CYFIP2: variants seen among roughly 807,000 people sequenced by gnomAD.
CYFIP2 encodes cytoplasmic FMR1-interacting protein 2.
In CYFIP2, 29 loss-of-function variants were observed where a neutral mutation model predicts 158.7. The ratio of observed to expected loss-of-function variants is 0.18; its 90% CI spans 0.14 to 0.25. The LOEUF (loss-of-function observed/expected upper bound fraction) is 0.25, where lower values mean the gene tolerates loss of function less well. Among genes scored for constraint, CYFIP2 ranks in the 10% least tolerant of loss-of-function variants. The pLI, the probability that CYFIP2 is intolerant of heterozygous loss-of-function variation, is 1.00. For synonymous variants in CYFIP2, 585 were observed against 617.6 expected (o/e 0.95, Z 0.78); for missense variants, 852 against 1,639.5 (o/e 0.52, Z 8.29).
chr5:157,315,540 T>G (rs1760072085), intron 13 of CYFIP2, among the ~76,000 whole-genome samples: 1 of 152,232 alleles, frequency 6.6e-6, no homozygotes, highest in Non-Finnish European at 1.5e-5. Flanking sequence ...TAGTGGTCAG[T>G]CTACATTTTG....
intron 26 of CYFIP2, among the ~76,000 whole-genome samples, chr5:157,373,678 A>G (rs572490568): frequency 6.6e-6 from 1 of 152,352 alleles, no homozygotes; most frequent in South Asian, 2.1e-4. Flanking sequence ...AGATGCTGAT[A>G]GTATATACTA....
chr5:157,319,695 G>T, intron 13 of CYFIP2, 67 bp from the exon 14 acceptor site: 4 of 1,571,178 alleles, frequency 2.5e-6, no homozygotes, highest in Non-Finnish European at 3.5e-6. Context: ...TGGCAGGGCG[G>T]TGATGGGTAG....
Position 157,285,428 on chromosome 5 carries a change from C to A in CYFIP2, c.67C>A (p.Pro23Thr). 1 of 1,582,634 alleles carries A rather than the reference C, an allele frequency of 6.3e-7. No homozygotes were observed. Residue 23 changes from proline to threonine, a missense_variant, in exon 2 of 31, where the codon CCC (proline) becomes ACC (threonine). Physicochemically the swap from Pro to Thr is conservative, Grantham distance 38. Transcript: ENST00000620254. ...GGACCTGCTTGAAGAGCTTCCCCTCCCCGACCAGCAGCCATGCATCGAGCC... is the reference window on the plus strand; with the variant it reads ...GGACCTGCTTGAAGAGCTTCCCCTCACCGACCAGCAGCCATGCATCGAGCC... ...NVDLLEELPL[P>T]DQQPCIEPPP...
At chr5:157,357,075 T>C (rs1463161577) in intron 23 of CYFIP2, among the ~76,000 whole-genome samples, 1 of 152,214 alleles carries the variant, frequency 6.6e-6, no homozygotes, top group Non-Finnish European at 1.5e-5. Flanking sequence ...CTCAGTGTCA[T>C]GTACAAAATT....
intron 1 of CYFIP2, among the ~76,000 whole-genome samples, chr5:157,272,265 G>A (rs1359185307): frequency 6.6e-6 from 1 of 152,242 alleles, no homozygotes; most frequent in African/African-American, 2.4e-5. Context: ...GTGGAGAGAA[G>A]CTGTAGGTGA....
At position 157,333,319 on chromosome 5, in the gene CYFIP2, T is replaced by C. The variant is rs1443262253; in HGVS notation, c.2266-8T>C. On this transcript the variant is annotated splice_polypyrimidine_tract_variant and splice_region_variant and intron_variant, in intron 20 of 30. Coordinates refer to ENST00000620254, the MANE Select transcript of CYFIP2 (RefSeq NM_001037333.3). ...TTAAGTAACTTTTCTCTCTCTCTCT[T>C]CATCCAGCTGTTGGGTAGATCAATT... is the stretch of plus-strand genomic sequence containing the variant. 2.5e-6 allele frequency: 4 copies of C among 1,613,738 alleles called. No homozygotes were observed. The highest frequency in any genetic ancestry group is 1.7e-5 in the Admixed American group (1 of 59,992).
chr5:157,385,689 A>G (rs976056684), intron 28 of CYFIP2, among the ~76,000 whole-genome samples: 3 of 152,196 alleles, frequency 2.0e-5, no homozygotes, highest in Non-Finnish European at 4.4e-5. Context: ...ATGTAATGGG[A>G]TCATAGCTGC....
At chr5:157,382,728 G>A (rs1766252605) in intron 27 of CYFIP2, 66 bp downstream of exon 27, 6 of 1,491,392 alleles carry the variant, frequency 4.0e-6, no homozygotes, top group Middle Eastern at 3.4e-4. Flanking sequence ...CTTCCTAATT[G>A]CAGTCAACTC....
chr5:157,358,726 T>C (rs1324927580), intron 23 of CYFIP2, among the ~76,000 whole-genome samples: 5 of 152,234 alleles, frequency 3.3e-5, no homozygotes, highest in African/African-American at 1.2e-4. Flanking sequence ...TGGAACGTCA[T>C]GGGTGGCAGG....
intron 21 of CYFIP2, among the ~76,000 whole-genome samples, chr5:157,335,263 TTTTG>T (rs1250364932): frequency 3.9e-5 from 6 of 152,132 alleles, no homozygotes; most frequent in Non-Finnish European, 8.8e-5. Context: ...CTACCTGTTT[TTTTG>T]TTTGTTTGTT....
rs1302072784 is a variant in CYFIP2 at position 157,320,844 on chromosome 5, G to T, written c.1671+42G>T. The T allele has an allele frequency of 2.7e-6, 4 of 1,495,056 alleles. No homozygotes were observed. The East Asian group carries it at 9.6e-5, about 36-fold the overall frequency. The allele number at this position is 1,495,056 out of a possible 1,614,324, so 92.6% of individuals were successfully genotyped here. A position where few individuals can be genotyped will look rare whatever the true frequency, so the allele number is the denominator to read the frequency against. On this transcript the variant is annotated intron_variant, in intron 15 of 30. Coordinates refer to ENST00000620254, the MANE Select transcript of CYFIP2 (RefSeq NM_001037333.3). ...ACAGGCCAGCTGCGTTGACTCAGAG[G>T]CCAGCCGGGCTATGGTAGATCATCA...
intron 4 of CYFIP2, among the ~76,000 whole-genome samples, chr5:157,295,755 C>G (rs1758199485): frequency 6.6e-6 from 1 of 152,184 alleles, no homozygotes; most frequent in Non-Finnish European, 1.5e-5. Flanking sequence ...GGATATTTAG[C>G]ATGATGCTGC....
At position 157,315,103 on chromosome 5, in the gene CYFIP2, A is replaced by G; in HGVS notation, c.1356+9A>G. 8.1e-6 allele frequency: 13 copies of G among 1,613,466 alleles called. No homozygotes were observed. Among genetic ancestry groups the G allele is most frequent in the Non-Finnish European group, 1.1e-5 (13 of 1,179,700 alleles). ...AATTTGCCTTCGTTGAGGTAGGTGC[A>G]GACTCCCTGCATCTCCCTCCCTCCC... On this transcript the variant is annotated intron_variant, in intron 13 of 30. Transcript: ENST00000620254.
Position 157,311,133 on chromosome 5 carries a change from C to T in CYFIP2, c.993-531C>T, listed in dbSNP as rs910408856. On this transcript the variant is annotated intron_variant, in intron 10 of 30. Coordinates refer to ENST00000620254, the MANE Select transcript of CYFIP2 (RefSeq NM_001037333.3). This position sits in a 1 kb window ranked among gnomAD's most constrained non-coding sequence, Gnocchi z 4.7. ...TGGGTGGAGGGAGGGGCCACCCCCA[C>T]GTCTCAGAGTGGCCCTGGCTTCTCC... The T allele has an allele frequency of 1.8e-5, 8 of 453,184 alleles. No homozygotes were observed. Among genetic ancestry groups the T allele is most frequent in the African/African-American group, 8.0e-5 (4 of 49,988 alleles). 28.1% of individuals were successfully genotyped at this position (453,184 alleles called of 1,614,324 possible).
At chr5:157,290,378 C>T (rs1215068128) in intron 3 of CYFIP2, among the ~76,000 whole-genome samples, 3 of 152,196 alleles carry the variant, frequency 2.0e-5, no homozygotes, top group Non-Finnish European at 4.4e-5. Flanking sequence ...GGCCCCCAGC[C>T]AGCAGTGACA....
chr5:157,293,444 G>C (rs969573060), intron 3 of CYFIP2, among the ~76,000 whole-genome samples: 1 of 152,010 alleles, frequency 6.6e-6, no homozygotes, highest in Non-Finnish European at 1.5e-5. Flanking sequence ...ATTTTTTCAC[G>C]CTCGTTTTTC....
intron 5 of CYFIP2, among the ~76,000 whole-genome samples, chr5:157,300,403 C>T (rs1341285552): frequency 2.6e-5 from 4 of 151,892 alleles, no homozygotes; most frequent in Non-Finnish European, 5.9e-5. Context: ...GGCATGGTGG[C>T]ACACACCTGT....
At chr5:157,375,423 G>C (rs891506560) in intron 26 of CYFIP2, among the ~76,000 whole-genome samples, 1 of 152,166 alleles carries the variant, frequency 6.6e-6, no homozygotes, top group Non-Finnish European at 1.5e-5. Flanking sequence ...GGCTCTCTCA[G>C]CCTGATTTCA....
At chr5:157,357,784 G>A (rs142452810) in intron 23 of CYFIP2, among the ~76,000 whole-genome samples, 43 of 151,728 alleles carry the variant, frequency 2.8e-4, no homozygotes, top group African/African-American at 9.0e-4. Context: ...AACCGAGATC[G>A]CACCCCTGCA....
Sources: gnomAD v4.1 joint callset for allele counts (sites outside exome capture counted in the v4.1 genomes callset) on GRCh38, gnomAD v4.1.1 for gene constraint, Gnocchi (gnomAD v3.1) non-coding constraint, MANE v1.5 for transcripts, NCBI Gene and HGNC (gene_info 2026-07-23, HGNC 2026-07-21) for gene names.